Variants in DCDC1 observed in about 807,000 individuals in gnomAD.
The protein encoded by DCDC1 is doublecortin domain-containing protein 1.
A neutral mutation model predicts 178.3 loss-of-function variants in DCDC1; 200 were observed. That is an observed-to-expected ratio of 1.12 (90% CI 1.00 to 1.26). The LOEUF (loss-of-function observed/expected upper bound fraction) is 1.26, where lower values mean the gene tolerates loss of function less well. Ranked by LOEUF, DCDC1 falls within the 50% of genes most tolerant of loss-of-function variation. The pLI is 0.00. For synonymous variants in DCDC1, 690 were observed against 604.8 expected, an observed-to-expected ratio of 1.14 and a Z score of -2.07; for missense variants, 1,983 against 1,749.2, an observed-to-expected ratio of 1.13 and a Z score of -2.38.
intron 20 of DCDC1, among the ~76,000 whole-genome samples, chr11:30,968,472 G>A (rs1302715732): frequency 6.6e-6 from 1 of 151,888 alleles, no homozygotes; most frequent in Non-Finnish European, 1.5e-5. Flanking sequence ...GAGAAAAAGA[G>A]AGGAAGAGAC....
chr11:31,105,580 C>A (rs999316777), intron 13 of DCDC1, among the ~76,000 whole-genome samples: 1 of 151,330 alleles, frequency 6.6e-6, no homozygotes, highest in Admixed American at 6.6e-5. Flanking sequence ...CTACTTACAA[C>A]GTAATTAAAT....
chr11:30,929,772 G>T (rs1946817603), intron 22 of DCDC1, among the ~76,000 whole-genome samples: 1 of 151,974 alleles, frequency 6.6e-6, no homozygotes, highest in Non-Finnish European at 1.5e-5. Context: ...ATTTCTGAGA[G>T]ACAAAATTTG....
chr11:31,059,899 T>C (rs143094942), intron 20 of DCDC1, among the ~76,000 whole-genome samples: 158 of 152,188 alleles, frequency 1.0e-3, no homozygotes, highest in African/African-American at 3.5e-3. Context: ...TTTTTACAAT[T>C]TATAATTATA....
chr11:30,962,484 A>G (rs1017062862), intron 20 of DCDC1, among the ~76,000 whole-genome samples: 3 of 152,048 alleles, frequency 2.0e-5, no homozygotes, highest in Admixed American at 6.6e-5. Context: ...CAACAATAAC[A>G]CTGAAAAGAA....
At chr11:31,321,644 C>G (rs547535991) in intron 3 of DCDC1, among the ~76,000 whole-genome samples, 1 of 152,128 alleles carries the variant, frequency 6.6e-6, no homozygotes. Flanking sequence ...AGCTGTAGAC[C>G]GGAGCTGTTC....
At chr11:31,113,883 C>T (rs577665004) in intron 11 of DCDC1, among the ~76,000 whole-genome samples, 36 of 152,234 alleles carry the variant, frequency 2.4e-4, no homozygotes, top group African/African-American at 7.5e-4. Flanking sequence ...TTTTGGAAAA[C>T]CTCAATCAGA....
intron 8 of DCDC1, among the ~76,000 whole-genome samples, chr11:31,261,339 C>G (rs1267159224): frequency 6.6e-6 from 1 of 151,996 alleles, no homozygotes; most frequent in East Asian, 1.9e-4. Context: ...AATGGTTTTC[C>G]CAAACCCTAG....
chr11:31,335,059 G>C (rs1020913080), intron 2 of DCDC1, among the ~76,000 whole-genome samples: 1 of 152,166 alleles, frequency 6.6e-6, no homozygotes, highest in African/African-American at 2.4e-5. Flanking sequence ...GCTCTGCCCC[G>C]TTCAAGCTTC....
intron 31 of DCDC1, chr11:30,904,299 G>A (rs1003825764): frequency 8.5e-5 from 13 of 152,382 alleles, no homozygotes; most frequent in African/African-American, 2.7e-4. Flanking sequence ...AGATATGTGC[G>A]CTTGCAAGGA....
At position 31,285,045 on chromosome 11, in the gene DCDC1, C is replaced by T. The variant is rs149539194; in HGVS notation, c.960+5602G>A. Reference sequence around the variant, plus strand: ...GATAATTCTCATTTGTTTTTATTTCCATTAAATACATTCTTTTTTCTTTTT... The same window carrying T: ...GATAATTCTCATTTGTTTTTATTTCTATTAAATACATTCTTTTTTCTTTTT... On this transcript the variant is annotated intron_variant, in intron 7 of 38. Coordinates refer to ENST00000684477, the MANE Select transcript of DCDC1 (RefSeq NM_001387274.1). 5.0e-3 allele frequency among the ~76,000 whole-genome samples: 756 copies of T among 152,002 alleles called. 8 individuals carry two copies. Among genetic ancestry groups the T allele is most frequent in the African/African-American group, 0.017 (720 of 41,500 alleles).
At chr11:31,323,517 C>T (rs1372227757) in intron 3 of DCDC1, among the ~76,000 whole-genome samples, 1 of 152,068 alleles carries the variant, frequency 6.6e-6, no homozygotes, top group Non-Finnish European at 1.5e-5. Flanking sequence ...CCATTTTCAT[C>T]TAAATTATTT....
Position 30,931,884 on chromosome 11 carries a change from C to G in DCDC1, c.2784G>C (p.Lys928Asn). The change falls in exon 22 of 39, where the codon AAG becomes AAC. Residue 928 changes from lysine (K) to asparagine (N), a missense_variant. Transcript: ENST00000684477. ...SSPPMKKPIC[K>N]TTEPYAPVRL... Reference sequence around the variant, plus strand: ...GCACAGGGGCATATGGCTCTGTTGTCTTACAGATGGGTTTCTTCATGGGAG... The same window carrying G: ...GCACAGGGGCATATGGCTCTGTTGTGTTACAGATGGGTTTCTTCATGGGAG... 1 of 1,613,062 alleles carries G rather than the reference C, an allele frequency of 6.2e-7. No individual in the cohort carries two copies. The highest frequency in any genetic ancestry group is 8.5e-7 in the Non-Finnish European group (1 of 1,179,400).
At chr11:30,931,393 T>C (rs1946913100) in intron 22 of DCDC1, among the ~76,000 whole-genome samples, 2 of 152,172 alleles carry the variant, frequency 1.3e-5, no homozygotes, top group Non-Finnish European at 1.5e-5. Context: ...TAATTGTGTA[T>C]AATTTAACTT....
At chr11:30,983,614 T>C (rs1225296880) in intron 20 of DCDC1, among the ~76,000 whole-genome samples, 1 of 152,218 alleles carries the variant, frequency 6.6e-6, no homozygotes, top group Non-Finnish European at 1.5e-5. Context: ...CCATGATATC[T>C]GAAATCAAGT....
intron 8 of DCDC1, among the ~76,000 whole-genome samples, chr11:31,247,577 C>G (rs928616596): frequency 2.0e-5 from 3 of 151,818 alleles, no homozygotes; most frequent in Non-Finnish European, 4.4e-5. Flanking sequence ...TATTCAAAAC[C>G]ACTTCACTCA....
At chr11:30,988,933 G>C (rs764968270) in intron 20 of DCDC1, among the ~76,000 whole-genome samples, 22 of 152,120 alleles carry the variant, frequency 1.4e-4, no homozygotes, top group Non-Finnish European at 3.1e-4. Flanking sequence ...AACACCTCCA[G>C]ATGAAAGTGG....
chr11:31,286,339 C>A (rs1946832790), intron 7 of DCDC1, among the ~76,000 whole-genome samples: 1 of 152,088 alleles, frequency 6.6e-6, no homozygotes, highest in African/African-American at 2.4e-5. Context: ...GAAAAGTATT[C>A]TGTTCTCTTT....
chr11:31,276,770 C>G (rs1310924762), intron 7 of DCDC1, among the ~76,000 whole-genome samples: 2 of 152,052 alleles, frequency 1.3e-5, no homozygotes, highest in African/African-American at 4.8e-5. Context: ...TACACCAAAT[C>G]TAGTTATTTG....
intron 6 of DCDC1, among the ~76,000 whole-genome samples, chr11:31,298,251 C>T (rs1252961358): frequency 6.6e-6 from 1 of 152,190 alleles, no homozygotes; most frequent in African/African-American, 2.4e-5. Context: ...TCTCTGCCCT[C>T]CACAACCAAC....
Sources: gnomAD v4.1 joint callset for allele counts (sites outside exome capture counted in the v4.1 genomes callset) on GRCh38, gnomAD v4.1.1 for gene constraint, MANE v1.5 for transcripts, NCBI Gene and HGNC (gene_info 2026-07-23, HGNC 2026-07-21) for gene names.